The following TTC19 variants were observed in gnomAD, a reference collection of about 807,000 sequenced individuals.
The protein encoded by TTC19 is tetratricopeptide repeat domain 19, also known as tetratricopeptide repeat protein 19, mitochondrial.
In TTC19, 38 loss-of-function variants were observed where a neutral mutation model predicts 49.5. The observed-to-expected ratio is 0.77, with a 90% CI of 0.59 to 1.01. The LOEUF is 1.01. Among genes scored for constraint, TTC19 ranks in the 50% least tolerant of loss-of-function variants. The pLI, the probability that TTC19 is intolerant of heterozygous loss-of-function variation, is 0.00. For missense variants in TTC19, 475 were observed against 477.7 expected (o/e 0.99, Z 0.05); for synonymous variants, 204 against 185.2 (o/e 1.10, Z -0.83).
intron 7 of TTC19, among the ~76,000 whole-genome samples, chr17:16,016,661 G>A (rs180771578): frequency 1.8e-4 from 27 of 150,132 alleles, no homozygotes; most frequent in African/African-American, 6.7e-4. Context: ...GGGTTCAAGT[G>A]ATTCTTGCAC....
In TTC19 at chr17:16,028,366, A is replaced by T. The variant is rs1443482843; in HGVS notation, c.*844A>T. 1 of 453,966 alleles carries T rather than the reference A, an allele frequency of 2.2e-6. No homozygotes were observed. Among genetic ancestry groups the T allele is most frequent in the Non-Finnish European group, 4.4e-6 (1 of 226,784 alleles). 28.1% of individuals were successfully genotyped at this position (453,966 alleles called of 1,614,324 possible). ...TATTTTAAAACTCTTCGTAATTCTA[A>T]TGTGTACTGCTGGTATAGCTGAACT... On this transcript the variant is annotated 3_prime_UTR_variant, in exon 10 of 10. Transcript: ENST00000261647.
intron 2 of TTC19, chr17:16,039,671 A>T: frequency 6.2e-7 from 1 of 1,602,520 alleles, no homozygotes; most frequent in Admixed American, 1.7e-5. Context: ...GAGAATCAAA[A>T]ACATTTCCAC....
chr17:16,040,419 A>C, intron 2 of TTC19: 1 of 1,610,800 alleles, frequency 6.2e-7, no homozygotes, highest in Non-Finnish European at 8.5e-7. Flanking sequence ...TGTATTGGTA[A>C]ATAATGTCTT....
chr17:16,041,518 G>A (rs1383507043), intron 2 of TTC19, among the ~76,000 whole-genome samples: 5 of 144,632 alleles, frequency 3.5e-5, no homozygotes, highest in South Asian at 4.5e-4. Flanking sequence ...GGTTCAAGCA[G>A]TTCTCCTGCC....
At chr17:16,043,415 AT>A (rs2058093125) in intron 2 of TTC19, among the ~76,000 whole-genome samples, 1 of 152,186 alleles carries the variant, frequency 6.6e-6, no homozygotes, top group Non-Finnish European at 1.5e-5. Context: ...TAAAAAAAAA[AT>A]CCCAGACTCT....
At chr17:16,041,922 G>A (rs1247581943) in intron 2 of TTC19, among the ~76,000 whole-genome samples, 1 of 151,974 alleles carries the variant, frequency 6.6e-6, no homozygotes, top group Non-Finnish European at 1.5e-5. Flanking sequence ...ATTTTTAGTA[G>A]AGATGGGATT....
intron 7 of TTC19, among the ~76,000 whole-genome samples, chr17:16,013,167 G>C (rs1971122080): frequency 6.6e-6 from 1 of 152,188 alleles, no homozygotes; most frequent in Non-Finnish European, 1.5e-5. Context: ...TAGTGCCACT[G>C]TCCTTCAGCA....
Position 16,003,831 on chromosome 17 carries a change from G to A in TTC19, c.463G>A (p.Ala155Thr). 1.9e-6 allele frequency: 3 copies of A among 1,613,574 alleles called. No homozygotes were observed. The highest frequency in any genetic ancestry group is 2.5e-6 in the Non-Finnish European group (3 of 1,179,752). Residue 155 changes from alanine (A) to threonine (T), a missense_variant and splice_region_variant, in exon 5 of 10, where the codon GCT becomes ACT. Ala to Thr is a moderately conservative substitution (Grantham distance 58, BLOSUM62 0). Coordinates refer to ENST00000261647, the MANE Select transcript of TTC19 (RefSeq NM_017775.4). Reference protein sequence around the residue: ...LAFIRGQLENAEQLFKATMSY... With the variant: ...LAFIRGQLENTEQLFKATMSY... The stretch of plus-strand genomic sequence containing the variant: ...AAAAATCTTTTCCTTATGCTTTTAG[G>A]CTGAACAACTTTTTAAAGCAACAAT...
chr17:16,043,297 A>G (rs1340784931), intron 2 of TTC19, among the ~76,000 whole-genome samples: 1 of 152,198 alleles, frequency 6.6e-6, no homozygotes, highest in Non-Finnish European at 1.5e-5. Context: ...GATGGCTTTC[A>G]TTTAGTTCTA....
intron 4 of TTC19, 146 bp from the exon 5 acceptor site, chr17:16,003,685 C>G (rs1970810093): frequency 2.7e-6 from 2 of 741,772 alleles, no homozygotes; most frequent in Non-Finnish European, 4.6e-6. Flanking sequence ...CAAAAGGGTA[C>G]TTTTCTGTGT....
chr17:16,020,824 C>T lies in TTC19; in HGVS notation c.677-4193C>T, dbSNP rs544177769. Among the ~76,000 whole-genome samples the T allele has an allele frequency of 2.6e-4, 39 of 152,008 alleles. 2 individuals carry two copies. The South Asian group carries it at 6.7e-3, about 26-fold the overall frequency. On this transcript the variant is annotated intron_variant, in intron 7 of 9. Coordinates refer to ENST00000261647, the MANE Select transcript of TTC19 (RefSeq NM_017775.4). ...AAGAATTAGGAGTACAGGCACGTGCCACCATGTCTGGCTTATATATATTTT... is the reference window on the plus strand; with the variant it reads ...AAGAATTAGGAGTACAGGCACGTGCTACCATGTCTGGCTTATATATATTTT...
chr17:16,042,654 C>T (rs2057944926), intron 2 of TTC19, among the ~76,000 whole-genome samples: 1 of 152,202 alleles, frequency 6.6e-6, no homozygotes, highest in South Asian at 2.1e-4. Flanking sequence ...CATGTGAAAG[C>T]CACTGTGGAG....
chr17:16,030,294 T>G, downstream of TTC19: 1 of 225,008 alleles, frequency 4.4e-6, no homozygotes, highest in East Asian at 6.4e-5. Flanking sequence ...GGTCTTGCTA[T>G]CTTGGGTGGC....
rs2057375099 is a variant in TTC19, at chr17:16,040,603, C to T, written c.248-3900C>T. ...AATTAATCTTTTTATTTTTCATGAT[C>T]TCAACCTTTATTTCTCACCCATTAA... On this transcript the variant is annotated intron_variant, in intron 2 of 2. Coordinates refer to the TTC19 transcript ENST00000470649. The T allele has an allele frequency of 4.2e-6, 4 of 963,598 alleles. No individual in the cohort carries two copies. The Admixed American group carries it at 6.6e-5, about 16-fold the overall frequency. 59.7% of individuals were successfully genotyped at this position (963,598 alleles called of 1,614,324 possible). A position where few individuals can be genotyped will look rare whatever the true frequency, so the allele number is the denominator to read the frequency against.
At chr17:16,041,539 G>A (rs1335244236) in intron 2 of TTC19, among the ~76,000 whole-genome samples, 10 of 149,294 alleles carry the variant, frequency 6.7e-5, no homozygotes, top group Admixed American at 6.7e-5. Context: ...TCAGCCTCCC[G>A]AGCAGCTGGG....
intron 2 of TTC19, among the ~76,000 whole-genome samples, chr17:16,041,972 G>A (rs62073589): frequency 0.059 from 9,013 of 152,032 alleles, 376 homozygotes; most frequent in African/African-American, 0.12. Context: ...TCCTGACCTC[G>A]ATATGCCCGC....
In TTC19 at chr17:16,029,055, G is replaced by A; in HGVS notation, c.*1533G>A. 2.2e-6 allele frequency: 1 copy of A among 452,506 alleles called. No homozygotes were observed. The highest frequency in any genetic ancestry group is 1.6e-5 in the South Asian group (1 of 63,768). 28.0% of individuals were successfully genotyped at this position (452,506 alleles called of 1,614,324 possible). ...AATCAGACTGTTTCAGTAGAAACCA[G>A]TATTAACGTATGGTGATTTCTTAAA... On this transcript the variant is annotated 3_prime_UTR_variant, in exon 10 of 10. Transcript: ENST00000261647.
chr17:16,020,924 G>GTGGT (rs1223594815), intron 7 of TTC19, among the ~76,000 whole-genome samples: 1 of 152,194 alleles, frequency 6.6e-6, no homozygotes, highest in Non-Finnish European at 1.5e-5. Context: ...TTGGGCTGAA[G>GTGGT]TGGTCCTCCT....
intron 2 of TTC19, among the ~76,000 whole-genome samples, chr17:16,000,971 A>C (rs909324296): frequency 6.6e-6 from 1 of 152,212 alleles, no homozygotes; most frequent in Admixed American, 6.5e-5. Context: ...CTTACAGTCC[A>C]GCAACAAGTC....
Sources: allele counts gnomAD v4.1 joint callset (sites outside exome capture counted in the v4.1 genomes callset), GRCh38; gene constraint gnomAD v4.1.1; transcripts MANE v1.5; gene names NCBI Gene and HGNC (gene_info 2026-07-23, HGNC 2026-07-21).